PIKFYVE: variants seen among roughly 807,000 people sequenced by gnomAD.
The protein encoded by PIKFYVE is 1-phosphatidylinositol 3-phosphate 5-kinase.
A neutral mutation model predicts 257.9 loss-of-function variants in PIKFYVE; 122 were observed. The ratio of observed to expected loss-of-function variants is 0.47; its 90% CI spans 0.41 to 0.55. The LOEUF is 0.55. PIKFYVE is among the 20% of genes least tolerant of loss of function. The pLI, the probability that PIKFYVE is intolerant of heterozygous loss-of-function variation, is 0.00. For synonymous variants in PIKFYVE, 892 were observed against 868.9 expected (o/e 1.03, Z -0.47); for missense variants, 2,160 against 2,536.6 (o/e 0.85, Z 3.19).
Position 208,315,324 on chromosome 2 carries a change from A to G in PIKFYVE, c.1958A>G (p.Lys653Arg), listed in dbSNP as rs2125462935. ...QVVQTVRPDV[K>R]NQDDDMDIRQ... is the part of the protein sequence containing the mutation. The stretch of plus-strand genomic sequence containing the variant: ...GTTCAGACAGTCCGACCTGATGTCA[A>G]GAACCAGGATGATGACATGGATATC... Residue 653 changes from lysine to arginine, a missense_variant, in exon 15 of 42, where the codon AAG (lysine) becomes AGG (arginine). By Grantham distance (26) the Lys-to-Arg change is conservative. Coordinates refer to ENST00000264380, the MANE Select transcript of PIKFYVE (RefSeq NM_015040.4). 1.9e-6 allele frequency: 3 copies of G among 1,614,220 alleles called. No homozygotes were observed. Among genetic ancestry groups the G allele is most frequent in the Non-Finnish European group, 2.5e-6 (3 of 1,180,018 alleles).
intron 12 of PIKFYVE, among the ~76,000 whole-genome samples, chr2:208,308,861 C>G (rs924595465): frequency 1.3e-5 from 2 of 152,162 alleles, no homozygotes; most frequent in African/African-American, 2.4e-5. Flanking sequence ...GCTCCTGCCA[C>G]CATGCCCGGC....
intron 17 of PIKFYVE, 134 bp from the exon 18 acceptor site, chr2:208,324,008 T>C: frequency 1.2e-6 from 1 of 819,002 alleles, no homozygotes; most frequent in Non-Finnish European, 2.1e-6. Flanking sequence ...TTCTGGATAT[T>C]AGCCCTTTGT....
Position 208,335,340 on chromosome 2 carries a change from C to T in PIKFYVE, c.4177C>T (p.Pro1393Ser), listed in dbSNP as rs1308221921. The T allele has an allele frequency of 6.2e-7, 1 of 1,612,094 alleles. No individual in the cohort carries two copies. Among genetic ancestry groups the T allele is most frequent in the East Asian group, 2.2e-5 (1 of 44,784 alleles). ...SPIRLLEVCV[P>S]LPKIFIKRQA... ...CATTCGGCTTCTTGAAGTATGTGTT[C>T]CACTCCCCAAAATATTCATTAAGCG... The change falls in exon 25 of 42, where the codon CCA (proline) becomes TCA (serine). Residue 1393 changes from proline to serine, a missense_variant. This residue lies in a region of PIKFYVE where 699 missense variants were observed against 855.8 expected (regional missense o/e 0.82). Transcript: ENST00000264380.
intron 12 of PIKFYVE, among the ~76,000 whole-genome samples, chr2:208,308,735 T>G (rs72982957): frequency 0.061 from 9,137 of 149,584 alleles, 360 homozygotes; most frequent in Non-Finnish European, 0.078. Context: ...GAGACGAAAT[T>G]TTGCTCTTAT....
At chr2:208,326,813 AAGTT>A (rs752185873) in intron 20 of PIKFYVE, among the ~76,000 whole-genome samples, 1 of 152,214 alleles carries the variant, frequency 6.6e-6, no homozygotes, top group Non-Finnish European at 1.5e-5. Flanking sequence ...TTTTTTAAAA[AAGTT>A]AGCAGCAAAT....
chr2:208,328,308 C>G, intron 21 of PIKFYVE, 28 bp downstream of exon 21: 2 of 1,612,626 alleles, frequency 1.2e-6, no homozygotes, highest in Non-Finnish European at 1.7e-6. Context: ...CTACACTATT[C>G]CACATAAGAA....
intron 34 of PIKFYVE, among the ~76,000 whole-genome samples, chr2:208,347,482 T>C (rs1220902282): frequency 2.0e-5 from 3 of 152,212 alleles, no homozygotes; most frequent in African/African-American, 7.2e-5. Context: ...GTTAACTATA[T>C]TGCAATACTG....
chr2:208,342,885 C>T (rs1052021017), intron 32 of PIKFYVE, among the ~76,000 whole-genome samples: 3 of 149,592 alleles, frequency 2.0e-5, no homozygotes, highest in Admixed American at 6.7e-5. Context: ...ACCTCTGCCT[C>T]CTGGGTTCAA....
chr2:208,336,501 T>C (rs1559151087), intron 27 of PIKFYVE, among the ~76,000 whole-genome samples: 1 of 152,192 alleles, frequency 6.6e-6, no homozygotes, highest in Non-Finnish European at 1.5e-5. Flanking sequence ...TGAATTAGTA[T>C]GCCATAAGTC....
intron 34 of PIKFYVE, among the ~76,000 whole-genome samples, chr2:208,346,548 A>G (rs1276873863): frequency 6.6e-6 from 1 of 152,230 alleles, no homozygotes; most frequent in Non-Finnish European, 1.5e-5. Context: ...TAGTAACCAC[A>G]TAAGAATTAT....
At chr2:208,312,940 C>T (rs1001423386) in intron 13 of PIKFYVE, among the ~76,000 whole-genome samples, 1 of 152,294 alleles carries the variant, frequency 6.6e-6, no homozygotes, top group East Asian at 1.9e-4. Flanking sequence ...CAAGCGGGTA[C>T]AAGGAGCCAC....
chr2:208,292,976 T>C (rs1692501974), intron 7 of PIKFYVE, among the ~76,000 whole-genome samples: 1 of 152,112 alleles, frequency 6.6e-6, no homozygotes, highest in South Asian at 2.1e-4. Context: ...TTGTTGCCCT[T>C]GTTCTTCCTG....
intron 34 of PIKFYVE, 128 bp downstream of exon 34, chr2:208,346,275 A>T: frequency 1.2e-6 from 1 of 817,222 alleles, no homozygotes; most frequent in South Asian, 1.5e-5. Flanking sequence ...CTGAAATACA[A>T]ATTTAGATAT....
intron 16 of PIKFYVE, among the ~76,000 whole-genome samples, chr2:208,318,424 C>CT (rs1695812606): frequency 6.6e-6 from 1 of 152,144 alleles, no homozygotes. Context: ...TAAGGAGACT[C>CT]TGAGTTCCTA....
At chr2:208,270,615 G>A (rs6746926) in intron 1 of PIKFYVE, among the ~76,000 whole-genome samples, 52,997 of 152,062 alleles carry the variant, frequency 0.35, 11,028 homozygotes, top group Admixed American at 0.45. Flanking sequence ...GTTGATTTGA[G>A]TAGTTGTCAT....
rs1694167166 is a variant in PIKFYVE, at chr2:208,305,105, C to G, written c.1636+92C>G. On this transcript the variant is annotated intron_variant, in intron 12 of 41. Coordinates refer to ENST00000264380, the MANE Select transcript of PIKFYVE (RefSeq NM_015040.4). ...AGCCTGTCCTTCTGGCTTCCTCTGT[C>G]CCACGTGGCTGAGGGTATTTGGTGT... The G allele has an allele frequency of 3.2e-6, 5 of 1,582,022 alleles. No individual in the cohort carries two copies. In the Admixed American group the frequency reaches 9.1e-5, roughly 29 times the overall value.
intron 7 of PIKFYVE, among the ~76,000 whole-genome samples, chr2:208,290,317 T>C (rs1692143625): frequency 6.6e-6 from 1 of 152,246 alleles, no homozygotes; most frequent in South Asian, 2.1e-4. Flanking sequence ...CATTAATCTT[T>C]TTTACTGTCT....
rs971131201 is a variant in PIKFYVE, at chr2:208,357,668, A to G, written c.*2363A>G. On this transcript the variant is annotated 3_prime_UTR_variant, in exon 42 of 42. Transcript: ENST00000264380. ...TTTATTTCTATTGAGTGGTAGAACTATATGTCTGGTCCCTTGCTGCTCTTG... is the reference window on the plus strand; with the variant it reads ...TTTATTTCTATTGAGTGGTAGAACTGTATGTCTGGTCCCTTGCTGCTCTTG... The G allele has an allele frequency of 4.6e-5, 7 of 152,214 alleles. No homozygotes were observed. Among genetic ancestry groups the G allele is most frequent in the Admixed American group, 2.6e-4 (4 of 15,286 alleles). 9.4% of individuals were successfully genotyped at this position (152,214 alleles called of 1,614,324 possible). A position where few individuals can be genotyped will look rare whatever the true frequency, so the allele number is the denominator to read the frequency against.
chr2:208,334,599 C>G (rs1252158564), intron 24 of PIKFYVE: 1 of 152,574 alleles, frequency 6.6e-6, no homozygotes, highest in African/African-American at 2.4e-5. Context: ...TCTTACAAGT[C>G]TTTGCTCACA....
Sources: gnomAD v4.1 joint callset for allele counts (sites outside exome capture counted in the v4.1 genomes callset) on GRCh38, gnomAD v4.1.1 for gene constraint, gnomAD v4.1.1 regional missense constraint, MANE v1.5 for transcripts, NCBI Gene and HGNC (gene_info 2026-07-23, HGNC 2026-07-21) for gene names.